The following SCNN1D variants were observed in gnomAD, a reference collection of about 807,000 sequenced individuals.
SCNN1D encodes sodium channel epithelial 1 subunit delta.
SCNN1D carries 104 observed loss-of-function variants against 87.8 expected under a neutral mutation model. The ratio of observed to expected loss-of-function variants is 1.18; its 90% CI spans 1.01 to 1.39. SCNN1D has a LOEUF of 1.39. Among genes scored for constraint, SCNN1D ranks in the 40% most tolerant of loss-of-function variants. SCNN1D has a pLI of 0.00. For missense variants in SCNN1D, 1,324 were observed against 1,093.9 expected, an observed-to-expected ratio of 1.21 and a Z score of -2.97; for synonymous variants, 628 against 481.2, an observed-to-expected ratio of 1.31 and a Z score of -3.99.
In SCNN1D at chr1:1,291,382, C is replaced by A. The variant is rs1270276577; in HGVS notation, c.2181C>A (p.Arg727=). ...ASALTLVLGG[R]RLRRAWFSWP... Reference sequence around the variant, plus strand: ...CCCTCACCCTGGTGCTAGGCGGCCGCCGGCTCCGCAGGGCGTGGTTCTCCT... The same window carrying A: ...CCCTCACCCTGGTGCTAGGCGGCCGACGGCTCCGCAGGGCGTGGTTCTCCT... The change falls in exon 18 of 18, where the codon CGC becomes CGA. Residue 727 remains arginine, a synonymous_variant. Coordinates refer to ENST00000379116, the MANE Select transcript of SCNN1D (RefSeq NM_001130413.4). 1 of 1,608,782 alleles carries A rather than the reference C, an allele frequency of 6.2e-7. No homozygotes were observed. Among genetic ancestry groups the A allele is most frequent in the East Asian group, 2.2e-5 (1 of 44,818 alleles).
At chr1:1,288,491 C>T (rs1432898648) in intron 12 of SCNN1D, among the ~76,000 whole-genome samples, 2 of 119,972 alleles carry the variant, frequency 1.7e-5, no homozygotes. Flanking sequence ...GTCTCTGCTC[C>T]GTCCCGTGTC....
rs1458384849 is a variant in SCNN1D at position 1,290,381 on chromosome 1, T to C, written c.1773T>C (p.Pro591=). ...AGTACTGCAGCTCTGCCCGGCACCCTGCCTGGGGTGAGTCCTGCTCGCTGC... is the reference window on the plus strand; with the variant it reads ...AGTACTGCAGCTCTGCCCGGCACCCCGCCTGGGGTGAGTCCTGCTCGCTGC... ...GAEYCSSARH[P]AWGHCFYRLY... Residue 591 remains proline, a synonymous_variant, in exon 13 of 18, where the codon CCT becomes CCC. Transcript: ENST00000379116. 6 of 1,603,248 alleles carry C rather than the reference T, an allele frequency of 3.7e-6. No homozygotes were observed. Among genetic ancestry groups the C allele is most frequent in the East Asian group, 2.2e-5 (1 of 44,750 alleles).
At chr1:1,287,348 G>C (rs371174264) in intron 9 of SCNN1D, 49 bp downstream of exon 9, 73 of 1,515,046 alleles carry the variant, frequency 4.8e-5, no homozygotes, top group Non-Finnish European at 5.8e-5. Flanking sequence ...CCCACAGAGC[G>C]TGGCCGCACC....
chr1:1,287,084 G>A (rs756314375), intron 8 of SCNN1D, 25 bp from the exon 9 acceptor site: 2 of 1,583,158 alleles, frequency 1.3e-6, no homozygotes, highest in South Asian at 2.3e-5. Context: ...TAGCCACAGA[G>A]CTGACCCTCC....
Position 1,288,149 on chromosome 1 carries a change from G to C in SCNN1D, c.1662+112G>C, listed in dbSNP as rs78481580. 0.015 allele frequency: 11,867 copies of C among 797,178 alleles called. 1,346 individuals carry two copies. In the Admixed American group the frequency reaches 0.2, roughly 13 times the overall value. 49.4% of individuals were successfully genotyped at this position (797,178 alleles called of 1,614,324 possible). A position where few individuals can be genotyped will look rare whatever the true frequency, so the allele number is the denominator to read the frequency against. On this transcript the variant is annotated intron_variant, in intron 12 of 17. Transcript: ENST00000379116. ...GGAGAGTACTAGAGGGCCTGGGAAC[G>C]GGGCAGTCCCCGTGGAGGCCCGCAC...
chr1:1,288,369 G>A (rs1410602854), intron 12 of SCNN1D, among the ~76,000 whole-genome samples: 2 of 42,782 alleles, frequency 4.7e-5, no homozygotes, highest in Non-Finnish European at 7.0e-5. Flanking sequence ...GCTCCGTCCC[G>A]TGTCCCTGCT....
rs12406900 is a variant in SCNN1D, at chr1:1,291,813, C to T, written c.*203C>T. On this transcript the variant is annotated 3_prime_UTR_variant, in exon 18 of 18. Transcript: ENST00000379116. ...GGGTGGGTCTCAAGGAGGCCCGGGG[C>T]GGAGGGGGGTTCCCGCGTGCACACG... The T allele has an allele frequency of 4.2e-5, 19 of 456,474 alleles. No homozygotes were observed. The Admixed American group carries it at 5.8e-4, about 14-fold the overall frequency. The allele number at this position is 456,474 out of a possible 1,614,324, so 28.3% of individuals were successfully genotyped here.
At chr1:1,285,425 A>G (rs1484443208) in intron 5 of SCNN1D, 146 bp from the exon 6 acceptor site, 11 of 563,108 alleles carry the variant, frequency 2.0e-5, no homozygotes, top group Non-Finnish European at 3.1e-5. Flanking sequence ...ACTTGGCTGG[A>G]TGGGCCTGGC....
chr1:1,290,167 C>CCCAT, intron 12 of SCNN1D, 104 bp from the exon 13 acceptor site: 2 of 591,804 alleles, frequency 3.4e-6, no homozygotes, highest in Non-Finnish European at 5.3e-6. Context: ...TGCTCCGTCC[C>CCCAT]GTGTCCCTGC....
rs1228055984 is a variant in SCNN1D, at chr1:1,288,299, G to GTC, written c.1662+264_1662+265dup. 4.8e-3 allele frequency among the ~76,000 whole-genome samples: 249 copies of GTC among 52,044 alleles called. 2 individuals are homozygous for GTC. The highest frequency in any genetic ancestry group is 0.011 in the East Asian group (3 of 284). 34.1% of individuals were successfully genotyped at this position (52,044 alleles called of 152,430 possible). A position where few individuals can be genotyped will look rare whatever the true frequency, so the allele number is the denominator to read the frequency against. ...CCCCCGAGTCTCTGCTCCGTCCCGT[G>GTC]TCTGCTCCGTCCCGTGTCCCTGCTC... On this transcript the variant is annotated intron_variant, in intron 12 of 17. Coordinates refer to ENST00000379116, the MANE Select transcript of SCNN1D (RefSeq NM_001130413.4).
At chr1:1,287,073 G>A (rs750787396) in intron 8 of SCNN1D, 36 bp from the exon 9 acceptor site, 1 of 1,579,016 alleles carries the variant, frequency 6.3e-7, no homozygotes. Flanking sequence ...GGCCTGGGCT[G>A]TAGCCACAGA....
intron 4 of SCNN1D, among the ~76,000 whole-genome samples, chr1:1,283,426 C>T (rs1010721426): frequency 6.6e-5 from 10 of 152,226 alleles, no homozygotes; most frequent in South Asian, 2.1e-4. Context: ...GGGCCGGGCA[C>T]GGTGGCTCAC....
rs1264490491 is a variant in SCNN1D, at chr1:1,286,843, C to T, written c.987C>T (p.Val329=). The T allele has an allele frequency of 3.1e-6, 5 of 1,612,726 alleles. No individual in the cohort carries two copies. The highest frequency in any genetic ancestry group is 1.7e-6 in the Non-Finnish European group (2 of 1,179,946). ...ARENIDSLYN[V]NLSKGRAALS... ...AGAACATTGACTCCCTGTACAACGT[C>T]AACCTCAGCAAAGGCAGAGCCGCCC... The change falls in exon 8 of 18, where the codon GTC becomes GTT. Residue 329 remains valine (V), a synonymous_variant. Coordinates refer to ENST00000379116, the MANE Select transcript of SCNN1D (RefSeq NM_001130413.4).
Position 1,286,874 on chromosome 1 carries a change from G to A in SCNN1D, c.1018G>A (p.Ala340Thr), listed in dbSNP as rs1400240190. The stretch of plus-strand genomic sequence containing the variant: ...CAGCAAAGGCAGAGCCGCCCTCTCC[G>A]CCACTGTCCCCCGCCACGAGCCCCC... ...NLSKGRAALS[A>T]TVPRHEPPFH... is the part of the protein sequence containing the mutation. The change falls in exon 8 of 18, where the codon GCC becomes ACC. Residue 340 changes from alanine to threonine, a missense_variant. By Grantham distance (58) the Ala-to-Thr change is moderately conservative. Coordinates refer to ENST00000379116, the MANE Select transcript of SCNN1D (RefSeq NM_001130413.4). 5.0e-6 allele frequency: 8 copies of A among 1,612,382 alleles called. No homozygotes were observed. The highest frequency in any genetic ancestry group is 1.7e-5 in the Admixed American group (1 of 59,982).
Position 1,291,295 on chromosome 1 carries a change from G to A in SCNN1D, c.2094G>A (p.Leu698=), listed in dbSNP as rs745946892. The A allele has an allele frequency of 6.3e-7, 1 of 1,574,834 alleles. No homozygotes were observed. Among genetic ancestry groups the A allele is most frequent in the Non-Finnish European group, 8.6e-7 (1 of 1,162,624 alleles). ...CGGCCATGGGCAGCCTCTGCAGCCT[G>A]TGGTTTGGGGCCTCCGTCCTCTCCC... ...LLSAMGSLCS[L]WFGASVLSLL... The change falls in exon 18 of 18, where the codon CTG becomes CTA. Residue 698 remains leucine, a synonymous_variant. Coordinates refer to ENST00000379116, the MANE Select transcript of SCNN1D (RefSeq NM_001130413.4).
At chr1:1,282,153 C>A in intron 3 of SCNN1D, 89 bp from the exon 4 acceptor site, 1 of 789,682 alleles carries the variant, frequency 1.3e-6, no homozygotes, top group Non-Finnish European at 2.2e-6. Flanking sequence ...GGCACCCCAG[C>A]CCCATCTGGC....
Position 1,290,537 on chromosome 1 carries a change from G to A in SCNN1D, c.1841G>A (p.Arg614His), listed in dbSNP as rs201531018. ...ACCCACCGGCTCCCCTGTACCTCCC[G>A]CTGCCCCAGGCCCTGCAGGTGAGAC... ...LETHRLPCTSRCPRPCRESAF... is the reference protein window; with the variant it reads ...LETHRLPCTSHCPRPCRESAF... Residue 614 changes from arginine (R) to histidine (H), a missense_variant, in exon 14 of 18, where the codon CGC becomes CAC. Transcript: ENST00000379116. 261 of 1,612,624 alleles carry A rather than the reference G, an allele frequency of 1.6e-4. No individual in the cohort carries two copies. Among genetic ancestry groups the A allele is most frequent in the African/African-American group, 2.3e-4 (17 of 75,016 alleles).
chr1:1,280,827 C>T (rs1000769030), intron 1 of SCNN1D, 161 bp downstream of exon 1: 7 of 613,522 alleles, frequency 1.1e-5, no homozygotes, highest in Non-Finnish European at 2.1e-5. Context: ...CACCTTACTC[C>T]TCCCAGCAGG....
intron 4 of SCNN1D, among the ~76,000 whole-genome samples, chr1:1,282,792 G>A (rs1158067263): frequency 1.3e-5 from 2 of 149,662 alleles, no homozygotes; most frequent in South Asian, 4.2e-4. Context: ...TTGCTCTGTC[G>A]CCCAGGCTGG....
Sources: allele counts gnomAD v4.1 joint callset (sites outside exome capture counted in the v4.1 genomes callset), GRCh38; gene constraint gnomAD v4.1.1; transcripts MANE v1.5; gene names NCBI Gene and HGNC (gene_info 2026-07-23, HGNC 2026-07-21).